RSU1: variants seen among roughly 807,000 people sequenced by gnomAD.
The protein encoded by RSU1 is rsu-1.
A neutral mutation model predicts 31.1 loss-of-function variants in RSU1; 26 were observed. The observed-to-expected ratio is 0.84, with a 90% confidence interval of 0.61 to 1.16. The LOEUF (loss-of-function observed/expected upper bound fraction) is 1.16. Among genes scored for constraint, RSU1 ranks in the 50% most tolerant of loss-of-function variants. The probability of loss-of-function intolerance (pLI) is 0.00; values close to 1 mark genes in which losing one functional copy is unlikely to be tolerated. For missense variants in RSU1, 320 were observed against 339.1 expected, an observed-to-expected ratio of 0.94 and a Z score of 0.44; for synonymous variants, 164 against 136.3, an observed-to-expected ratio of 1.20 and a Z score of -1.41.
chr10:16,709,058 A>G (rs1188662288), intron 7 of RSU1, among the ~76,000 whole-genome samples: 1 of 151,600 alleles, frequency 6.6e-6, no homozygotes, highest in Admixed American at 6.6e-5. Flanking sequence ...TGCAGGTTAC[A>G]TATGTATACA....
At position 16,719,629 on chromosome 10, in the gene RSU1, C is replaced by T. The variant is rs78386400; in HGVS notation, c.599-24474G>A. Among the ~76,000 whole-genome samples, 33 of 152,302 alleles carry T rather than the reference C, an allele frequency of 2.2e-4. 1 individual carries two copies. Among genetic ancestry groups the T allele is most frequent in the African/African-American group, 6.3e-4 (26 of 41,574 alleles). Reference sequence around the variant, plus strand: ...CTATATTTTGCAATTATCTTGTTCACGTTTATTCCCTTTGGTCTGCTTTTC... The same window carrying T: ...CTATATTTTGCAATTATCTTGTTCATGTTTATTCCCTTTGGTCTGCTTTTC... On this transcript the variant is annotated intron_variant, in intron 7 of 8. Transcript: ENST00000345264.
intron 8 of RSU1, among the ~76,000 whole-genome samples, chr10:16,668,536 G>A (rs1161852756): frequency 6.6e-6 from 1 of 152,146 alleles, no homozygotes; most frequent in African/African-American, 2.4e-5. Flanking sequence ...ATGGTTTCCT[G>A]AACTTTATAA....
At chr10:16,793,233 T>G (rs1414797874) in intron 2 of RSU1, among the ~76,000 whole-genome samples, 1 of 152,346 alleles carries the variant, frequency 6.6e-6, no homozygotes, top group South Asian at 2.1e-4. Context: ...AACTCTTCAG[T>G]AGTAAGTTTT....
chr10:16,595,422 G>T (rs1037043040), intron 8 of RSU1, among the ~76,000 whole-genome samples: 1 of 152,186 alleles, frequency 6.6e-6, no homozygotes, highest in African/African-American at 2.4e-5. Context: ...CACTCTCACG[G>T]AGTGTAGAAC....
At chr10:16,657,973 G>C (rs1031918295) in intron 8 of RSU1, among the ~76,000 whole-genome samples, 3 of 151,190 alleles carry the variant, frequency 2.0e-5, no homozygotes, top group Non-Finnish European at 2.9e-5. Context: ...CTGGGGAACA[G>C]AGCGAGAATC....
intron 3 of RSU1, among the ~76,000 whole-genome samples, chr10:16,772,238 A>G (rs1348259823): frequency 1.3e-5 from 2 of 152,244 alleles, no homozygotes; most frequent in Non-Finnish European, 2.9e-5. Flanking sequence ...GCAAAAATGT[A>G]TGTTCCTGAG....
At chr10:16,634,342 G>T (rs923417368) in intron 8 of RSU1, among the ~76,000 whole-genome samples, 3 of 152,148 alleles carry the variant, frequency 2.0e-5, no homozygotes, top group Non-Finnish European at 4.4e-5. Flanking sequence ...TGTTACGCTG[G>T]CTTCAAAACA....
intron 8 of RSU1, among the ~76,000 whole-genome samples, chr10:16,607,875 T>G (rs948186287): frequency 1.3e-5 from 2 of 152,126 alleles, no homozygotes; most frequent in Non-Finnish European, 2.9e-5. Flanking sequence ...TTATCGTGAG[T>G]TTTTTTGAGA....
chr10:16,783,694 C>G (rs1015322785), intron 2 of RSU1, among the ~76,000 whole-genome samples: 3 of 151,560 alleles, frequency 2.0e-5, no homozygotes, highest in African/African-American at 7.3e-5. Flanking sequence ...TTTTTCAAAC[C>G]ATTGCAAACT....
intron 8 of RSU1, among the ~76,000 whole-genome samples, chr10:16,633,452 G>A (rs1168009190): frequency 2.6e-5 from 4 of 152,012 alleles, no homozygotes; most frequent in Admixed American, 6.6e-5. Flanking sequence ...ATCCCCACCT[G>A]GGGAGAGGAA....
intron 3 of RSU1, among the ~76,000 whole-genome samples, chr10:16,779,620 G>C (rs146574062): frequency 3.3e-5 from 5 of 152,154 alleles, no homozygotes; most frequent in African/African-American, 1.2e-4. Flanking sequence ...AAGCAGTGCC[G>C]GGTGAGGGGG....
At chr10:16,785,471 CACATATAT>C (rs778413840) in intron 2 of RSU1, among the ~76,000 whole-genome samples, 1,726 of 137,122 alleles carry the variant, frequency 0.013, 33 homozygotes, top group Non-Finnish European at 0.018. Context: ...TATATATATA[CACATATAT>C]ACATATATAC....
At chr10:16,636,613 A>C (rs1328005731) in intron 8 of RSU1, among the ~76,000 whole-genome samples, 1 of 151,972 alleles carries the variant, frequency 6.6e-6, no homozygotes, top group Non-Finnish European at 1.5e-5. Flanking sequence ...CTTAAAACCC[A>C]CCCAGGCTTT....
At chr10:16,711,329 A>C (rs1211003366) in intron 7 of RSU1, among the ~76,000 whole-genome samples, 1 of 85,676 alleles carries the variant, frequency 1.2e-5, no homozygotes, top group Non-Finnish European at 2.4e-5. Flanking sequence ...GATTTTGCTT[A>C]TCTTTTCAAA....
At chr10:16,720,476 A>G (rs1453345125) in intron 7 of RSU1, among the ~76,000 whole-genome samples, 1 of 152,248 alleles carries the variant, frequency 6.6e-6, no homozygotes, top group Non-Finnish European at 1.5e-5. Flanking sequence ...AGCAAAAAAC[A>G]ACATGTATAA....
At chr10:16,704,894 T>C (rs1299116928) in intron 7 of RSU1, among the ~76,000 whole-genome samples, 1 of 152,236 alleles carries the variant, frequency 6.6e-6, no homozygotes, top group South Asian at 2.1e-4. Flanking sequence ...ATCATTTTCA[T>C]GATTTTTAAG....
chr10:16,662,965 A>C (rs1373172820), intron 8 of RSU1, among the ~76,000 whole-genome samples: 1 of 142,922 alleles, frequency 7.0e-6, no homozygotes, highest in Non-Finnish European at 1.5e-5. Flanking sequence ...GGCATCTCTC[A>C]GCAATCTTTA....
chr10:16,719,470 C>A (rs1836211384), intron 7 of RSU1, among the ~76,000 whole-genome samples: 1 of 152,240 alleles, frequency 6.6e-6, no homozygotes, highest in South Asian at 2.1e-4. Context: ...ATACCCTCTT[C>A]TCCCCTCTGC....
chr10:16,805,703 G>A (rs1838253632), intron 2 of RSU1, among the ~76,000 whole-genome samples: 1 of 150,608 alleles, frequency 6.6e-6, no homozygotes, highest in Non-Finnish European at 1.5e-5. Context: ...TTTTTAAAGA[G>A]GGAGAATGAA....
Sources: allele counts gnomAD v4.1 joint callset (sites outside exome capture counted in the v4.1 genomes callset), GRCh38; gene constraint gnomAD v4.1.1; transcripts MANE v1.5; gene names NCBI Gene and HGNC (gene_info 2026-07-23, HGNC 2026-07-21).